Variants in BABAM2 observed in about 807,000 individuals in gnomAD.
BABAM2 encodes the protein BRISC and BRCA1-A complex member 2.
Under a neutral mutation model 54.7 loss-of-function variants are expected in BABAM2, and 31 were observed. The observed-to-expected ratio is 0.57, with a 90% CI of 0.43 to 0.77. The LOEUF is 0.77. Among genes scored for constraint, BABAM2 ranks in the 30% least tolerant of loss-of-function variants. The pLI, the probability that BABAM2 is intolerant of heterozygous loss-of-function variation, is 0.00. For synonymous variants in BABAM2, 167 were observed against 162.9 expected, an observed-to-expected ratio of 1.03 and a Z score of -0.19; for missense variants, 364 against 455.8, an observed-to-expected ratio of 0.80 and a Z score of 1.83.
chr2:28,314,267 C>G (rs1232069777), intron 11 of BABAM2, among the ~76,000 whole-genome samples: 1 of 152,122 alleles, frequency 6.6e-6, no homozygotes, highest in East Asian at 1.9e-4. Context: ...GCTATTACAC[C>G]TATTTTACGG....
chr2:28,332,968 A>G (rs1691093809), intron 11 of BABAM2, among the ~76,000 whole-genome samples: 1 of 152,198 alleles, frequency 6.6e-6, no homozygotes. Context: ...GCCTGATCCA[A>G]GGAGCCTCGG....
intron 2 of BABAM2, among the ~76,000 whole-genome samples, chr2:27,924,515 G>A (rs1296050274): frequency 3.9e-5 from 6 of 151,980 alleles, no homozygotes; most frequent in African/African-American, 1.5e-4. Flanking sequence ...CTCCCTAGTA[G>A]CTGGGACTAC....
At chr2:27,890,137 T>C (rs1020616896), upstream of BABAM2, 5 of 833,966 alleles carry the variant, frequency 6.0e-6, no homozygotes, top group Middle Eastern at 2.3e-4. This position sits in a 1 kb window ranked among gnomAD's most constrained non-coding sequence, Gnocchi z 4.8. Context: ...CTGCAGCTCA[T>C]ACCCAAAGCT....
intron 4 of BABAM2, among the ~76,000 whole-genome samples, chr2:27,993,876 G>C (rs1471762164): frequency 1.3e-5 from 2 of 152,222 alleles, no homozygotes; most frequent in East Asian, 3.9e-4. Flanking sequence ...GACATCTTCT[G>C]AATGTGTCCT....
intron 6 of BABAM2, among the ~76,000 whole-genome samples, chr2:28,051,047 G>C (rs550480875): frequency 5.3e-5 from 8 of 152,160 alleles, no homozygotes; most frequent in Non-Finnish European, 1.2e-4. Context: ...TTATAACTGG[G>C]TTATCATGGT....
intron 11 of BABAM2, among the ~76,000 whole-genome samples, chr2:28,320,838 T>C (rs1689968787): frequency 6.6e-6 from 1 of 152,048 alleles, no homozygotes; most frequent in South Asian, 2.1e-4. Context: ...GTCAAGTTAC[T>C]CCTCTCCAAG....
At chr2:28,085,645 G>A (rs1665568914) in intron 6 of BABAM2, among the ~76,000 whole-genome samples, 1 of 152,004 alleles carries the variant, frequency 6.6e-6, no homozygotes, top group South Asian at 2.1e-4. Flanking sequence ...AAGATTTTTA[G>A]CCATACATGA....
intron 7 of BABAM2, among the ~76,000 whole-genome samples, chr2:28,172,109 GT>G (rs1558403947): frequency 7.0e-6 from 1 of 143,208 alleles, no homozygotes; most frequent in Non-Finnish European, 1.6e-5. Flanking sequence ...GTGTGTGTGT[GT>G]GTGTGGTGTG....
chr2:28,191,619 C>T (rs1410577527), intron 7 of BABAM2, among the ~76,000 whole-genome samples: 1 of 152,146 alleles, frequency 6.6e-6, no homozygotes, highest in Non-Finnish European at 1.5e-5. Context: ...AATAGTTATG[C>T]TGAGTGAAAG....
intron 4 of BABAM2, among the ~76,000 whole-genome samples, chr2:27,999,976 G>A (rs1673466267): frequency 6.6e-6 from 1 of 152,076 alleles, no homozygotes; most frequent in Non-Finnish European, 1.5e-5. Context: ...TTTTAATAAA[G>A]TTTTAATTTT....
intron 7 of BABAM2, among the ~76,000 whole-genome samples, chr2:28,198,450 G>A (rs1040737711): frequency 1.6e-4 from 25 of 152,122 alleles, no homozygotes; most frequent in Non-Finnish European, 3.4e-4. Context: ...ACAGGCGTGA[G>A]CCACCGCGCC....
chr2:28,045,582 CCTT>C (rs1366958812), intron 5 of BABAM2, 140 bp from the exon 6 acceptor site: 3 of 526,146 alleles, frequency 5.7e-6, no homozygotes, highest in Non-Finnish European at 9.8e-6. Context: ...ACTTTTCCAA[CCTT>C]CTTTTCTTGC....
chr2:28,182,667 A>G (rs1330012698), intron 7 of BABAM2, among the ~76,000 whole-genome samples: 6 of 152,242 alleles, frequency 3.9e-5, no homozygotes, highest in African/African-American at 1.4e-4. Flanking sequence ...TGCGGACTGC[A>G]AATTCACATG....
chr2:27,929,713 C>A (rs1449322574), intron 2 of BABAM2, 119 bp from the exon 3 acceptor site: 2 of 835,970 alleles, frequency 2.4e-6, no homozygotes, highest in South Asian at 1.8e-5. Context: ...GTTCTGTAAG[C>A]CAGTGTTTTA....
At chr2:28,201,400 A>T (rs1678255126) in intron 7 of BABAM2, among the ~76,000 whole-genome samples, 1 of 152,098 alleles carries the variant, frequency 6.6e-6, no homozygotes, top group African/African-American at 2.4e-5. Flanking sequence ...ACACATTTTT[A>T]TTTATATTTC....
intron 3 of BABAM2, among the ~76,000 whole-genome samples, chr2:27,982,674 C>T (rs748545805): frequency 2.0e-5 from 3 of 151,990 alleles, no homozygotes; most frequent in Admixed American, 2.0e-4. Context: ...GTGTACACTT[C>T]AGTAGTGTAC....
At chr2:28,036,413 T>G (rs1676665165) in intron 5 of BABAM2, among the ~76,000 whole-genome samples, 1 of 152,308 alleles carries the variant, frequency 6.6e-6, no homozygotes, top group South Asian at 2.1e-4. Flanking sequence ...ACTTATTTAC[T>G]TCAAAGAACT....
At chr2:27,906,794 T>A (rs954711153) in intron 2 of BABAM2, among the ~76,000 whole-genome samples, 7 of 151,194 alleles carry the variant, frequency 4.6e-5, no homozygotes, top group African/African-American at 1.7e-4. Flanking sequence ...TGGCTCCACT[T>A]TACATTGTTC....
At chr2:27,969,912 A>G (rs1671087816) in intron 3 of BABAM2, among the ~76,000 whole-genome samples, 1 of 152,102 alleles carries the variant, frequency 6.6e-6, no homozygotes, top group Non-Finnish European at 1.5e-5. Context: ...TCTGTTTTAC[A>G]GGAATTCAGA....
Sources: gnomAD v4.1 joint callset for allele counts (sites outside exome capture counted in the v4.1 genomes callset) on GRCh38, gnomAD v4.1.1 for gene constraint, Gnocchi (gnomAD v3.1) non-coding constraint, MANE v1.5 for transcripts, NCBI Gene and HGNC (gene_info 2026-07-23, HGNC 2026-07-21) for gene names.